Variants in TNFRSF10A observed in about 807,000 individuals in gnomAD.
TNFRSF10A encodes TNF receptor superfamily member 10a.
In TNFRSF10A, 44 loss-of-function variants were observed where a neutral mutation model predicts 42.8. The ratio of observed to expected loss-of-function variants is 1.03; its 90% CI spans 0.81 to 1.32. TNFRSF10A has a LOEUF of 1.32. Ranked by LOEUF, TNFRSF10A falls within the 40% of genes most tolerant of loss-of-function variation. TNFRSF10A has a pLI of 0.00. For missense variants in TNFRSF10A, 680 were observed against 602.0 expected (o/e 1.13, Z -1.36); for synonymous variants, 259 against 234.2 (o/e 1.11, Z -0.97).
chr8:23,218,722 A>G (rs1208196466), intron 1 of TNFRSF10A, among the ~76,000 whole-genome samples: 7 of 152,204 alleles, frequency 4.6e-5, no homozygotes, highest in Non-Finnish European at 8.8e-5. Context: ...GGGAAAGGTC[A>G]GCAGAACCCA....
At chr8:23,213,436 C>CTTTTATTTTTTTT (rs1801118588) in intron 1 of TNFRSF10A, among the ~76,000 whole-genome samples, 1 of 68,668 alleles carries the variant, frequency 1.5e-5, no homozygotes, top group Non-Finnish European at 2.6e-5. Flanking sequence ...GTTTGCTCCT[C>CTTTTATTTTTTTT]TTTTTTTTTT....
chr8:23,218,311 G>C (rs1163076374), intron 1 of TNFRSF10A, among the ~76,000 whole-genome samples: 2 of 152,028 alleles, frequency 1.3e-5, no homozygotes, highest in Non-Finnish European at 2.9e-5. Flanking sequence ...GTTCCTCTCG[G>C]ATTAGCATTG....
chr8:23,200,789 G>GGGGC, intron 4 of TNFRSF10A, 29 bp from the exon 5 acceptor site: 2 of 1,450,378 alleles, frequency 1.4e-6, no homozygotes, highest in African/African-American at 1.4e-5. Flanking sequence ...GGAGGGGGGG[G>GGGGC]ACTCTTGATG....
chr8:23,200,833 C>T, intron 4 of TNFRSF10A, 73 bp from the exon 5 acceptor site: 3 of 1,367,134 alleles, frequency 2.2e-6, no homozygotes, highest in South Asian at 2.3e-5. Context: ...AGAGGAGCCA[C>T]TCTCCCTGCC....
At chr8:23,207,900 G>GAAAA (rs71208593) in intron 2 of TNFRSF10A, among the ~76,000 whole-genome samples, 1 of 124,968 alleles carries the variant, frequency 8.0e-6, no homozygotes, top group Non-Finnish European at 1.7e-5. Flanking sequence ...TCAGCAGCAC[G>GAAAA]AAAAAAAAAA....
chr8:23,224,946 C>G lies in TNFRSF10A; in HGVS notation c.116G>C (p.Gly39Ala). ...TGGTTCAATCCTCCCCGCGGAAGAG[C>G]CCCACACTTTGCTGGGTGTGGCCGC... Reference protein sequence around the residue: ...AAAATPSKVWGSSAGRIEPRG... With the variant: ...AAAATPSKVWASSAGRIEPRG... Residue 39 changes from glycine (G) to alanine (A), a missense_variant, in exon 1 of 10, where the codon GGC (glycine) becomes GCC (alanine). By Grantham distance (60) the Gly-to-Ala change is moderately conservative (BLOSUM62 0). Coordinates refer to ENST00000221132, the MANE Select transcript of TNFRSF10A (RefSeq NM_003844.4). The G allele has an allele frequency of 6.2e-7, 1 of 1,600,250 alleles. No homozygotes were observed. The highest frequency in any genetic ancestry group is 1.1e-5 in the South Asian group (1 of 88,970).
Position 23,197,137 on chromosome 8 carries a change from G to T in TNFRSF10A, c.1082C>A (p.Thr361Asn). ...LLVPANGADP[T>N]ETLMLFFDKF... is the part of the protein sequence containing the mutation. Reference sequence around the variant, plus strand: ...TCCAGGAGCAAAACACTTACTCTCAGTGGGGTCAGCACCATTTGCTGGAAC... The same window carrying T: ...TCCAGGAGCAAAACACTTACTCTCATTGGGGTCAGCACCATTTGCTGGAAC... Residue 361 changes from threonine (T) to asparagine (N), a missense_variant, in exon 9 of 10, where the codon ACT becomes AAT. By Grantham distance (65) the Thr-to-Asn change is moderately conservative. Transcript: ENST00000221132. 1.2e-6 allele frequency: 2 copies of T among 1,614,168 alleles called. No homozygotes were observed. The highest frequency in any genetic ancestry group is 1.7e-6 in the Non-Finnish European group (2 of 1,180,002).
chr8:23,203,557 C>T (rs922461171), intron 2 of TNFRSF10A, among the ~76,000 whole-genome samples: 20 of 152,302 alleles, frequency 1.3e-4, no homozygotes, highest in East Asian at 1.9e-4. Context: ...TCCAGGGCTT[C>T]GCCCCTTCAG....
At chr8:23,200,479 A>AT in intron 6 of TNFRSF10A, 26 bp downstream of exon 6, 1 of 1,612,724 alleles carries the variant, frequency 6.2e-7, no homozygotes. Context: ...GAGTGCCCAG[A>AT]GCCCTTGCCC....
At chr8:23,201,987 C>A in intron 3 of TNFRSF10A, 68 bp from the exon 4 acceptor site, 1 of 1,389,474 alleles carries the variant, frequency 7.2e-7, no homozygotes, top group Non-Finnish European at 1.0e-6. Context: ...TCCTCACCAC[C>A]CCAACTCCCT....
At chr8:23,214,036 T>A (rs1801138243) in intron 1 of TNFRSF10A, among the ~76,000 whole-genome samples, 1 of 151,596 alleles carries the variant, frequency 6.6e-6, no homozygotes, top group Admixed American at 6.6e-5. Context: ...TCTCAAGATA[T>A]TTTCTTTCTT....
intron 6 of TNFRSF10A, among the ~76,000 whole-genome samples, chr8:23,200,211 C>A (rs1038124671): frequency 6.6e-6 from 1 of 152,220 alleles, no homozygotes; most frequent in Non-Finnish European, 1.5e-5. Context: ...TCTTGTCATC[C>A]AGTTGAGGAG....
At position 23,224,850 on chromosome 8, in the gene TNFRSF10A, C is replaced by T; in HGVS notation, c.212G>A (p.Gly71Glu). 6.4e-7 allele frequency: 1 copy of T among 1,567,012 alleles called. No homozygotes were observed. The highest frequency in any genetic ancestry group is 8.6e-7 in the Non-Finnish European group (1 of 1,156,138). Residue 71 changes from glycine to glutamate, a missense_variant, in exon 1 of 10, where the codon GGG becomes GAG. Transcript: ENST00000221132. ...CGCCGGCCTGGGTCCTGGGGCGCGC[C>T]CTGCCCGGGCCCGGGCACTGGGTCC... ...QHGPSARARA[G>E]RAPGPRPARE...
chr8:23,214,213 C>T (rs1403819577), intron 1 of TNFRSF10A, among the ~76,000 whole-genome samples: 2 of 152,158 alleles, frequency 1.3e-5, no homozygotes, highest in African/African-American at 4.8e-5. Context: ...TTAGGCCGGG[C>T]GCAGTGGCTC....
At chr8:23,219,249 T>G (rs770048827) in intron 1 of TNFRSF10A, among the ~76,000 whole-genome samples, 33 of 152,078 alleles carry the variant, frequency 2.2e-4, no homozygotes, top group African/African-American at 5.5e-4. Flanking sequence ...CAGAGTAAAG[T>G]GCTCATCACC....
chr8:23,199,115 C>T lies in TNFRSF10A; in HGVS notation c.1014+151G>A, dbSNP rs949271324. 3.0e-5 allele frequency: 25 copies of T among 833,496 alleles called. No homozygotes were observed. In the African/African-American group the frequency reaches 3.8e-4, roughly 13 times the overall value. The allele number at this position is 833,496 out of a possible 1,614,324, so 51.6% of individuals were successfully genotyped here. On this transcript the variant is annotated intron_variant, in intron 8 of 9. Coordinates refer to ENST00000221132, the MANE Select transcript of TNFRSF10A (RefSeq NM_003844.4). ...AGCAGACATTTGGAAGAGTGCCTGT[C>T]CCCTTGTGAGGGTGGCTGCTTTTTC...
intron 1 of TNFRSF10A, among the ~76,000 whole-genome samples, chr8:23,216,579 T>C (rs1018630145): frequency 2.0e-5 from 3 of 151,898 alleles, no homozygotes; most frequent in Admixed American, 1.3e-4. Context: ...CTATCTGTAC[T>C]AAAAATACAA....
At chr8:23,208,030 C>T (rs1040823748) in intron 2 of TNFRSF10A, among the ~76,000 whole-genome samples, 10 of 152,078 alleles carry the variant, frequency 6.6e-5, no homozygotes, top group African/African-American at 2.4e-4. Flanking sequence ...GTTTGGAGGG[C>T]TCAGACGAAG....
intron 2 of TNFRSF10A, among the ~76,000 whole-genome samples, chr8:23,209,306 G>A (rs1311701033): frequency 6.6e-6 from 1 of 152,268 alleles, no homozygotes; most frequent in Non-Finnish European, 1.5e-5. Flanking sequence ...AGTGTGGAAG[G>A]GAAATGTGGC....
Sources: allele counts gnomAD v4.1 joint callset (sites outside exome capture counted in the v4.1 genomes callset), GRCh38; gene constraint gnomAD v4.1.1; transcripts MANE v1.5; gene names NCBI Gene and HGNC (gene_info 2026-07-23, HGNC 2026-07-21).